The following DIP2C variants were observed in gnomAD, a reference collection of about 807,000 sequenced individuals.
DIP2C encodes DIP2 acetate--CoA ligase C (putative), also known as disco-interacting protein 2 homolog C.
A neutral mutation model predicts 192.4 loss-of-function variants in DIP2C; 33 were observed. The ratio of observed to expected loss-of-function variants is 0.17; its 90% CI spans 0.13 to 0.23. The LOEUF (loss-of-function observed/expected upper bound fraction) is 0.23. Among genes scored for constraint, DIP2C ranks in the 10% least tolerant of loss-of-function variants. DIP2C has a pLI of 1.00. For synonymous variants in DIP2C, 979 were observed against 864.1 expected (o/e 1.13, Z -2.33); for missense variants, 1,537 against 2,110.1 (o/e 0.73, Z 5.32).
chr10:520,519 G>A (rs1846633017), intron 1 of DIP2C, among the ~76,000 whole-genome samples: 1 of 152,180 alleles, frequency 6.6e-6, no homozygotes, highest in Non-Finnish European at 1.5e-5. Flanking sequence ...AAGGAGTTTG[G>A]GTTTTCCGTG....
chr10:286,717 G>A (rs1360894477), intron 33 of DIP2C, among the ~76,000 whole-genome samples: 1 of 152,166 alleles, frequency 6.6e-6, no homozygotes, highest in Non-Finnish European at 1.5e-5. Context: ...CTTGAAAAAT[G>A]GGAATTTTCA....
At chr10:459,214 A>C (rs368997323) in intron 3 of DIP2C, among the ~76,000 whole-genome samples, 93 of 152,110 alleles carry the variant, frequency 6.1e-4, no homozygotes, top group African/African-American at 1.5e-3. Context: ...CCCCAAACAG[A>C]CAGCCAGCCT....
chr10:284,723 A>G (rs1018032832), intron 34 of DIP2C, among the ~76,000 whole-genome samples: 57 of 152,216 alleles, frequency 3.7e-4, no homozygotes, highest in Non-Finnish European at 1.0e-4. Flanking sequence ...TTGATAACAG[A>G]ATAGATCCTA....
At chr10:293,999 G>A (rs371726491) in intron 32 of DIP2C, among the ~76,000 whole-genome samples, 10 of 152,222 alleles carry the variant, frequency 6.6e-5, no homozygotes, top group Non-Finnish European at 1.3e-4. Flanking sequence ...TAACCTAACC[G>A]CATTGCACAA....
chr10:678,004 G>A (rs1409368017), intron 1 of DIP2C, among the ~76,000 whole-genome samples: 1 of 152,244 alleles, frequency 6.6e-6, no homozygotes, highest in East Asian at 1.9e-4. Context: ...CCGCTGCAGA[G>A]CATAGCCCGA....
At chr10:362,781 A>T in intron 21 of DIP2C, 90 bp from the exon 22 acceptor site, 1 of 1,383,622 alleles carries the variant, frequency 7.2e-7, no homozygotes, top group Admixed American at 2.3e-5. Flanking sequence ...CACAATACAC[A>T]GAAGTCTGTG....
At chr10:316,039 C>A (rs1956761507) in intron 31 of DIP2C, among the ~76,000 whole-genome samples, 1 of 152,010 alleles carries the variant, frequency 6.6e-6, no homozygotes, top group Non-Finnish European at 1.5e-5. Context: ...TTCTGCAATA[C>A]CCCCCACCTC....
chr10:449,863 C>T (rs1353154003), intron 3 of DIP2C, among the ~76,000 whole-genome samples: 1 of 146,604 alleles, frequency 6.8e-6, no homozygotes, highest in African/African-American at 2.6e-5. Flanking sequence ...AATAAAAACA[C>T]ATACACACAC....
intron 1 of DIP2C, among the ~76,000 whole-genome samples, chr10:508,881 A>T (rs1160564007): frequency 6.6e-6 from 1 of 152,184 alleles, no homozygotes. Context: ...CGGCTGTTCC[A>T]ACAGCAGTGC....
chr10:340,304 TTA>T (rs1380925188), intron 29 of DIP2C, among the ~76,000 whole-genome samples: 1 of 152,062 alleles, frequency 6.6e-6, no homozygotes, highest in Non-Finnish European at 1.5e-5. Context: ...TAAAGAAGAT[TTA>T]TGAGTGAAAT....
intron 1 of DIP2C, among the ~76,000 whole-genome samples, chr10:553,907 A>C (rs576135467): frequency 6.6e-6 from 1 of 152,168 alleles, no homozygotes; most frequent in East Asian, 1.9e-4. Context: ...AAAAAGGTAT[A>C]CGCTTGTAAC....
intron 3 of DIP2C, among the ~76,000 whole-genome samples, chr10:445,937 A>G (rs951350001): frequency 6.6e-6 from 1 of 151,064 alleles, no homozygotes; most frequent in East Asian, 2.0e-4. Flanking sequence ...TCACAGGCCC[A>G]CTGGGCGTCT....
At chr10:278,852 G>C (rs1293016736) in intron 36 of DIP2C, among the ~76,000 whole-genome samples, 2 of 152,126 alleles carry the variant, frequency 1.3e-5, no homozygotes, top group Non-Finnish European at 2.9e-5. Context: ...TGGTACTTGA[G>C]GTCTGCTTGG....
intron 14 of DIP2C, among the ~76,000 whole-genome samples, chr10:385,180 A>G (rs1168310083): frequency 6.8e-6 from 1 of 146,428 alleles, no homozygotes; most frequent in Non-Finnish European, 1.5e-5. Context: ...CTCAGGGAGC[A>G]CCACGGACAC....
chr10:532,896 T>C (rs1054042465), intron 1 of DIP2C, among the ~76,000 whole-genome samples: 6 of 152,082 alleles, frequency 3.9e-5, no homozygotes, highest in African/African-American at 1.2e-4. Context: ...GCTTGGGTGA[T>C]CCTCCAGCCT....
At chr10:343,161 T>C (rs1026204014) in intron 28 of DIP2C, among the ~76,000 whole-genome samples, 5 of 152,158 alleles carry the variant, frequency 3.3e-5, no homozygotes, top group African/African-American at 1.2e-4. Context: ...TGGTGGCGCA[T>C]GCCTGTAGTC....
chr10:451,774 G>A (rs1429633842), intron 3 of DIP2C, among the ~76,000 whole-genome samples: 2 of 152,138 alleles, frequency 1.3e-5, no homozygotes, highest in Non-Finnish European at 2.9e-5. Flanking sequence ...AGGCCATAGA[G>A]CACACACACC....
intron 2 of DIP2C, among the ~76,000 whole-genome samples, chr10:477,264 G>A (rs1195400267): frequency 1.1e-5 from 1 of 90,884 alleles, no homozygotes; most frequent in Non-Finnish European, 2.1e-5. Context: ...ATGGATAGGA[G>A]GTAGAGAAGG....
intron 1 of DIP2C, among the ~76,000 whole-genome samples, chr10:657,550 A>C (rs1273940423): frequency 2.3e-5 from 1 of 42,932 alleles, no homozygotes; most frequent in Non-Finnish European, 5.2e-5. Context: ...CCTGGACCTC[A>C]CACTGGACCT....
Sources: gnomAD v4.1 joint callset for allele counts (sites outside exome capture counted in the v4.1 genomes callset) on GRCh38, gnomAD v4.1.1 for gene constraint, MANE v1.5 for transcripts, NCBI Gene and HGNC (gene_info 2026-07-23, HGNC 2026-07-21) for gene names.